NR3C2: variants seen among roughly 807,000 people sequenced by gnomAD.
NR3C2 encodes the protein nuclear receptor subfamily 3 group C member 2.
A neutral mutation model predicts 86.4 loss-of-function variants in NR3C2; 15 were observed. That is an observed-to-expected ratio of 0.17 (90% CI 0.12 to 0.27). NR3C2 has a LOEUF of 0.27. Among genes scored for constraint, NR3C2 ranks in the 10% least tolerant of loss-of-function variants. The pLI is 1.00. For missense variants in NR3C2, 960 were observed against 1,195.6 expected, an observed-to-expected ratio of 0.80 and a Z score of 2.91; for synonymous variants, 458 against 450.5, an observed-to-expected ratio of 1.02 and a Z score of -0.21.
At chr4:148,142,860 C>T (rs528226821) in intron 6 of NR3C2, among the ~76,000 whole-genome samples, 20 of 152,248 alleles carry the variant, frequency 1.3e-4, no homozygotes, top group African/African-American at 4.3e-4. Flanking sequence ...GCTGTCCTCC[C>T]GCTGACAGTG....
At chr4:148,129,123 C>T (rs1181342776) in intron 6 of NR3C2, among the ~76,000 whole-genome samples, 2 of 152,066 alleles carry the variant, frequency 1.3e-5, no homozygotes, top group Non-Finnish European at 2.9e-5. Flanking sequence ...TAGAAGCAAC[C>T]CAAGTGTTCA....
chr4:148,219,852 T>C (rs1737742239), intron 3 of NR3C2, among the ~76,000 whole-genome samples: 1 of 152,252 alleles, frequency 6.6e-6, no homozygotes, highest in South Asian at 2.1e-4. Flanking sequence ...TTTTAAAATG[T>C]CTTTTAATTT....
chr4:148,399,991 T>G (rs1331436727), intron 2 of NR3C2, among the ~76,000 whole-genome samples: 1 of 152,204 alleles, frequency 6.6e-6, no homozygotes, highest in East Asian at 1.9e-4. Context: ...GAATGCAGCT[T>G]CTTTCAACTT....
intron 3 of NR3C2, among the ~76,000 whole-genome samples, chr4:148,215,697 C>T (rs1164987356): frequency 6.6e-6 from 1 of 151,986 alleles, no homozygotes; most frequent in Non-Finnish European, 1.5e-5. Flanking sequence ...TGACAATTAA[C>T]CTGTTAGGCT....
intron 6 of NR3C2, among the ~76,000 whole-genome samples, chr4:148,136,082 AAAAAAAACACCACCAAAAC>A (rs1578924234): frequency 6.9e-6 from 1 of 145,602 alleles, no homozygotes; most frequent in East Asian, 2.0e-4. Flanking sequence ...AAAAACAAAA[AAAAAAAACACCACCAAAAC>A]CAACAAAAAA....
At chr4:148,279,283 C>T (rs1741118572) in intron 2 of NR3C2, among the ~76,000 whole-genome samples, 1 of 151,794 alleles carries the variant, frequency 6.6e-6, no homozygotes, top group South Asian at 2.1e-4. Context: ...TAAATTTCAC[C>T]CTAACATGTG....
At chr4:148,410,920 G>A (rs1228646908) in intron 2 of NR3C2, among the ~76,000 whole-genome samples, 2 of 152,132 alleles carry the variant, frequency 1.3e-5, no homozygotes, top group Non-Finnish European at 2.9e-5. Context: ...CACAGAACAC[G>A]TATAGTCACC....
intron 8 of NR3C2, among the ~76,000 whole-genome samples, chr4:148,086,568 C>A (rs1730823426): frequency 6.6e-6 from 1 of 152,024 alleles, no homozygotes; most frequent in African/African-American, 2.4e-5. Context: ...AACCCTGTCT[C>A]CACTTAAAAA....
At chr4:148,337,780 C>A (rs370020396) in intron 2 of NR3C2, among the ~76,000 whole-genome samples, 2 of 152,108 alleles carry the variant, frequency 1.3e-5, no homozygotes, top group East Asian at 1.9e-4. Flanking sequence ...AAATCCATAT[C>A]CTCATTAGCA....
intron 2 of NR3C2, among the ~76,000 whole-genome samples, chr4:148,378,412 A>T (rs544732648): frequency 7.2e-5 from 11 of 151,936 alleles, no homozygotes; most frequent in African/African-American, 2.4e-4. Flanking sequence ...CCCTGCACTG[A>T]ATTGGTTTGG....
rs1730527237 is a variant in NR3C2, at chr4:148,080,999, GAACGATACCAGA to G, written c.*333_*344del. ...GTCCTTGAACCCTTTTAAAACAAGC[GAACGATACCAGA>G]AACTACACGGCATAGTTAAAACTTC... On this transcript the variant is annotated 3_prime_UTR_variant, in exon 9 of 9. Transcript: ENST00000358102. 1 of 358,346 alleles carries G rather than the reference GAACGATACCAGA, an allele frequency of 2.8e-6. No individual in the cohort carries two copies. The highest frequency in any genetic ancestry group is 5.4e-6 in the Non-Finnish European group (1 of 184,516). The allele number at this position is 358,346 out of a possible 1,614,324, so 22.2% of individuals were successfully genotyped here. A position where few individuals can be genotyped will look rare whatever the true frequency, so the allele number is the denominator to read the frequency against.
intron 3 of NR3C2, among the ~76,000 whole-genome samples, chr4:148,246,321 A>C (rs1400618131): frequency 9.8e-5 from 15 of 152,374 alleles, no homozygotes; most frequent in Non-Finnish European, 1.6e-4. Context: ...ACAATTACTA[A>C]AGAAAAAATT....
chr4:148,117,135 C>A (rs1732306094), intron 7 of NR3C2, among the ~76,000 whole-genome samples: 2 of 152,148 alleles, frequency 1.3e-5, no homozygotes, highest in African/African-American at 4.8e-5. Context: ...AACACAAGAG[C>A]AGCGGGAGAT....
intron 4 of NR3C2, among the ~76,000 whole-genome samples, chr4:148,171,457 G>A (rs1047138165): frequency 1.4e-4 from 21 of 152,318 alleles, no homozygotes; most frequent in South Asian, 4.1e-4. Flanking sequence ...TGGTTTTGTG[G>A]AGGACATTTT....
At chr4:148,275,507 T>C (rs1740916467) in intron 2 of NR3C2, among the ~76,000 whole-genome samples, 1 of 152,078 alleles carries the variant, frequency 6.6e-6, no homozygotes, top group East Asian at 1.9e-4. Flanking sequence ...CACGGCTTAC[T>C]GCAATCTCCA....
chr4:148,199,398 A>C (rs1736603076), intron 3 of NR3C2, among the ~76,000 whole-genome samples: 1 of 152,216 alleles, frequency 6.6e-6, no homozygotes, highest in South Asian at 2.1e-4. Flanking sequence ...CTAGGGCCCA[A>C]GACTATAGGC....
At chr4:148,290,742 A>G (rs1334819583) in intron 2 of NR3C2, among the ~76,000 whole-genome samples, 4 of 152,162 alleles carry the variant, frequency 2.6e-5, no homozygotes, top group Admixed American at 2.6e-4. Context: ...CCATCTCATA[A>G]ATACCAATTC....
intron 8 of NR3C2, among the ~76,000 whole-genome samples, chr4:148,095,070 T>C (rs1180947564): frequency 1.3e-5 from 2 of 152,240 alleles, no homozygotes; most frequent in African/African-American, 4.8e-5. Flanking sequence ...AGGGGCATAA[T>C]TTCTGTGATG....
Position 148,081,237 on chromosome 4 carries a change from C to T in NR3C2, c.*107G>A, listed in dbSNP as rs1730538863. The T allele has an allele frequency of 2.8e-6, 4 of 1,424,508 alleles. No homozygotes were observed. Among genetic ancestry groups the T allele is most frequent in the Non-Finnish European group, 3.0e-6 (3 of 1,016,694 alleles). 88.2% of individuals were successfully genotyped at this position (1,424,508 alleles called of 1,614,324 possible). A position where few individuals can be genotyped will look rare whatever the true frequency, so the allele number is the denominator to read the frequency against. On this transcript the variant is annotated 3_prime_UTR_variant, in exon 9 of 9. Coordinates refer to ENST00000358102, the MANE Select transcript of NR3C2 (RefSeq NM_000901.5). ...ACTTTAAACTTGAGAAACTGTTGAA[C>T]AAGTGTGAATCAACCATCACATGTT...
Sources: gnomAD v4.1 joint callset for allele counts (sites outside exome capture counted in the v4.1 genomes callset) on GRCh38, gnomAD v4.1.1 for gene constraint, MANE v1.5 for transcripts, NCBI Gene and HGNC (gene_info 2026-07-23, HGNC 2026-07-21) for gene names.